The following ROCK1 variants were observed in gnomAD, a reference collection of about 807,000 sequenced individuals.
ROCK1 encodes rho-associated protein kinase 1.
Under a neutral mutation model 196.8 loss-of-function variants are expected in ROCK1, and 36 were observed. The ratio of observed to expected loss-of-function variants is 0.18; its 90% CI spans 0.14 to 0.24. The LOEUF is 0.24. ROCK1 is among the 10% of genes least tolerant of loss of function. The probability of loss-of-function intolerance (pLI) is 1.00; values close to 1 mark genes in which losing one functional copy is unlikely to be tolerated. For missense variants in ROCK1, 920 were observed against 1,562.0 expected, an observed-to-expected ratio of 0.59 and a Z score of 6.93; for synonymous variants, 443 against 515.9, an observed-to-expected ratio of 0.86 and a Z score of 1.91.
intron 16 of ROCK1, among the ~76,000 whole-genome samples, chr18:21,001,673 G>A (rs538125948): frequency 5.3e-5 from 8 of 151,962 alleles, no homozygotes; most frequent in Non-Finnish European, 1.0e-4. Flanking sequence ...GCTGAGGCAG[G>A]AGAACCACTT....
At chr18:20,970,221 C>T (rs187739753) in intron 23 of ROCK1, 127 bp downstream of exon 23, 1 of 627,254 alleles carries the variant, frequency 1.6e-6, no homozygotes, top group East Asian at 2.7e-5. Context: ...TACATGAGTA[C>T]AGAATGACCA....
intron 18 of ROCK1, among the ~76,000 whole-genome samples, chr18:20,987,669 C>G (rs1036753283): frequency 6.6e-6 from 1 of 152,160 alleles, no homozygotes; most frequent in Non-Finnish European, 1.5e-5. Flanking sequence ...GTTAACTTTT[C>G]CATGTTCATG....
intron 29 of ROCK1, among the ~76,000 whole-genome samples, chr18:20,958,702 T>C (rs1598506838): frequency 6.6e-6 from 1 of 150,514 alleles, no homozygotes; most frequent in Non-Finnish European, 1.5e-5. Context: ...AAGGCTCTTA[T>C]ATAAAATGGT....
rs780817794 is a variant in ROCK1, at chr18:20,969,161, T to G, written c.2868A>C (p.Arg956Ser). 1.9e-6 allele frequency: 3 copies of G among 1,604,480 alleles called. No individual in the cohort carries two copies. In the South Asian group the frequency reaches 3.3e-5, roughly 18 times the overall value. ...SMLTKDIEIL[R>S]RENEELTEKM... is the part of the protein sequence containing the mutation. ...TCTCTGTTAGCTCTTCATTCTCTCT[T>G]CTTAATATTTCAATATCTTTGGTTA... The change falls in exon 24 of 33, where the codon AGA becomes AGC. Residue 956 changes from arginine (R) to serine (S), a missense_variant. Arg to Ser is a moderately radical substitution (Grantham distance 110). This residue lies in a region of ROCK1 where 520 missense variants were observed against 657.1 expected (regional missense o/e 0.79). Coordinates refer to ENST00000399799, the MANE Select transcript of ROCK1 (RefSeq NM_005406.3).
chr18:21,072,104 T>C (rs1013284255), intron 1 of ROCK1, among the ~76,000 whole-genome samples: 1 of 152,228 alleles, frequency 6.6e-6, no homozygotes, highest in Non-Finnish European at 1.5e-5. Flanking sequence ...TGTTAAACCC[T>C]TCCCCAATGC....
At chr18:20,984,677 T>C in intron 19 of ROCK1, 142 bp from the exon 20 acceptor site, 1 of 606,126 alleles carries the variant, frequency 1.6e-6, no homozygotes, top group Non-Finnish European at 2.8e-6. Context: ...GTCTTCATTG[T>C]TCCACGTGTT....
chr18:20,968,442 T>C (rs139603973), intron 25 of ROCK1: 2 of 206,764 alleles, frequency 9.7e-6, no homozygotes, highest in East Asian at 2.6e-4. Flanking sequence ...GACTAGCTGG[T>C]ATTACTGGAG....
At chr18:21,029,128 C>A (rs1452228416) in intron 9 of ROCK1, among the ~76,000 whole-genome samples, 193 bp from the exon 10 acceptor site, 4 of 152,102 alleles carry the variant, frequency 2.6e-5, no homozygotes, top group Admixed American at 6.5e-5. Flanking sequence ...TTATGTAATT[C>A]TATGAAACAA....
rs1190700942 is a variant in ROCK1 at position 20,947,570 on chromosome 18, C to T, written c.*3814G>A. 6.6e-6 allele frequency: 1 copy of T among 151,940 alleles called. No homozygotes were observed. The allele number at this position is 151,940 out of a possible 1,614,324, so 9.4% of individuals were successfully genotyped here. A position where few individuals can be genotyped will look rare whatever the true frequency, so the allele number is the denominator to read the frequency against. ...CCAAGTGTCAGGCCAGGCACGGTGG[C>T]CTACACCTGTAATGAGAGAGTAAAA... On this transcript the variant is annotated 3_prime_UTR_variant, in exon 33 of 33. Transcript: ENST00000399799.
intron 27 of ROCK1, among the ~76,000 whole-genome samples, chr18:20,964,753 A>AGC (rs2035357137): frequency 6.6e-6 from 1 of 152,238 alleles, no homozygotes; most frequent in Admixed American, 6.5e-5. Flanking sequence ...GAAACATTTA[A>AGC]AAATCTCTTT....
intron 2 of ROCK1, among the ~76,000 whole-genome samples, chr18:21,069,449 T>A (rs2036365321): frequency 6.6e-6 from 1 of 152,104 alleles, no homozygotes; most frequent in African/African-American, 2.4e-5. Flanking sequence ...ACACTTTTAT[T>A]TCACTTATTT....
rs755781230 is a variant in ROCK1 at position 21,006,373 on chromosome 18, A to G, written c.1863T>C (p.Ser621=). 9 of 1,612,596 alleles carry G rather than the reference A, an allele frequency of 5.6e-6. No individual in the cohort carries two copies. The South Asian group carries it at 7.7e-5, about 14-fold the overall frequency. ...EAERRDRGHD[S]EMIGDLQARI... ...TACCTTGAAGGTCTCCAATCATCTC[A>G]GAATCATGACCTCTGTCTCTTCGTT... is the stretch of plus-strand genomic sequence containing the variant. The change falls in exon 16 of 33, where the codon TCT becomes TCC. Residue 621 remains serine, a synonymous_variant. Coordinates refer to ENST00000399799, the MANE Select transcript of ROCK1 (RefSeq NM_005406.3).
chr18:20,970,311 A>G, intron 23 of ROCK1, 37 bp downstream of exon 23: 1 of 1,546,730 alleles, frequency 6.5e-7, no homozygotes. Context: ...TGTGATTTAA[A>G]TAAATTTTAT....
chr18:21,067,062 C>T (rs1346010549), intron 2 of ROCK1, among the ~76,000 whole-genome samples: 1 of 152,188 alleles, frequency 6.6e-6, no homozygotes, highest in Non-Finnish European at 1.5e-5. Context: ...GTTCCAGCTG[C>T]AATGCATTTT....
intron 1 of ROCK1, among the ~76,000 whole-genome samples, chr18:21,081,962 C>CT (rs1226911403): frequency 1.3e-5 from 2 of 151,912 alleles, no homozygotes; most frequent in African/African-American, 4.8e-5. Context: ...TTGTTTTTTC[C>CT]TTTTTTTGAG....
At chr18:20,961,313 A>C (rs2143340749) in intron 27 of ROCK1, among the ~76,000 whole-genome samples, 1 of 152,296 alleles carries the variant, frequency 6.6e-6, no homozygotes, top group South Asian at 2.1e-4. Flanking sequence ...AAAAGCTATA[A>C]ACTCAGTCTT....
In ROCK1 at chr18:21,067,768, G is replaced by C. The variant is rs756672843; in HGVS notation, c.175+2764C>G. ...CCAGTTTATCTATTTTTCTTTTGTT[G>C]CTTGTGCTTTTGGTATTACGTCTAA... is the stretch of plus-strand genomic sequence containing the variant. On this transcript the variant is annotated intron_variant, in intron 2 of 32. Coordinates refer to ENST00000399799, the MANE Select transcript of ROCK1 (RefSeq NM_005406.3). Among the ~76,000 whole-genome samples the C allele has an allele frequency of 2.0e-5, 3 of 152,142 alleles. No homozygotes were observed. In the East Asian group the frequency reaches 5.8e-4, roughly 29 times the overall value.
At chr18:20,959,113 AT>A (rs1240372086) in intron 29 of ROCK1, among the ~76,000 whole-genome samples, 1 of 48,628 alleles carries the variant, frequency 2.1e-5, no homozygotes, top group African/African-American at 1.4e-4. Flanking sequence ...TTATATATAT[AT>A]TATATAATAT....
Position 20,948,691 on chromosome 18 carries a change from T to TA in ROCK1, c.*2692dup, listed in dbSNP as rs2035152883. ...CCTAGTGTGTCCTCCTGTAACAAAT[T>TA]AGAGAGAAAGCTAGAGGCTATATTT... On this transcript the variant is annotated 3_prime_UTR_variant, in exon 33 of 33. Transcript: ENST00000399799. 1 of 150,844 alleles carries TA rather than the reference T, an allele frequency of 6.6e-6. No individual in the cohort carries two copies. The highest frequency in any genetic ancestry group is 2.1e-4 in the South Asian group (1 of 4,788). The allele number at this position is 150,844 out of a possible 1,614,324, so 9.3% of individuals were successfully genotyped here. A position where few individuals can be genotyped will look rare whatever the true frequency, so the allele number is the denominator to read the frequency against.
Sources: allele counts gnomAD v4.1 joint callset (sites outside exome capture counted in the v4.1 genomes callset), GRCh38; gene constraint gnomAD v4.1.1; regional missense constraint gnomAD v4.1.1; transcripts MANE v1.5; gene names NCBI Gene and HGNC (gene_info 2026-07-23, HGNC 2026-07-21).